Variants in SRGAP2B observed in about 807,000 individuals in gnomAD.
The protein encoded by SRGAP2B is SLIT-ROBO Rho GTPase activating protein 2B.
A neutral mutation model predicts 22.2 loss-of-function variants in SRGAP2B; 9 were observed. The ratio of observed to expected loss-of-function variants is 0.41; its 90% CI spans 0.24 to 0.71. The LOEUF (loss-of-function observed/expected upper bound fraction) is 0.71. Among genes scored for constraint, SRGAP2B ranks in the 30% least tolerant of loss-of-function variants. The probability of loss-of-function intolerance (pLI) is 0.35; values close to 1 mark genes in which losing one functional copy is unlikely to be tolerated. For missense variants in SRGAP2B, 114 were observed against 235.8 expected (o/e 0.48, Z 3.38); for synonymous variants, 36 against 87.4 (o/e 0.41, Z 3.28).
chr1:145,010,196 GATCA>G (rs1553622009), intron 2 of SRGAP2B, among the ~76,000 whole-genome samples: 1 of 147,832 alleles, frequency 6.8e-6, no homozygotes, highest in African/African-American at 2.6e-5. Context: ...GCACCCAGTA[GATCA>G]ATCAAAACAA....
At chr1:144,986,398 GAGA>G (rs1442722922) in intron 3 of SRGAP2B, among the ~76,000 whole-genome samples, 1 of 146,636 alleles carries the variant, frequency 6.8e-6, no homozygotes. Flanking sequence ...GTTCTGGGCA[GAGA>G]ATGAACTATT....
At chr1:144,988,999 C>CTTTTTTT (rs3062880) in intron 3 of SRGAP2B, among the ~76,000 whole-genome samples, 2 of 55,076 alleles carry the variant, frequency 3.6e-5, no homozygotes, top group Admixed American at 2.6e-4. Flanking sequence ...ACTCCCCCCA[C>CTTTTTTT]TTTTTTTTTT....
At chr1:144,983,254 A>T (rs1553615304) in intron 3 of SRGAP2B, among the ~76,000 whole-genome samples, 2 of 110,784 alleles carry the variant, frequency 1.8e-5, no homozygotes, top group Non-Finnish European at 3.5e-5. Context: ...AACTGACTCT[A>T]TGCTTTTCAA....
At chr1:145,090,181 C>T (rs1653850140) in intron 2 of SRGAP2B, among the ~76,000 whole-genome samples, 1 of 148,666 alleles carries the variant, frequency 6.7e-6, no homozygotes, top group Non-Finnish European at 1.5e-5. Flanking sequence ...TGACCCAGGG[C>T]TTCTAGCTAG....
intron 2 of SRGAP2B, among the ~76,000 whole-genome samples, chr1:145,076,074 G>T (rs1330077778): frequency 6.6e-6 from 1 of 150,460 alleles, no homozygotes; most frequent in Non-Finnish European, 1.5e-5. Flanking sequence ...TAAGGAAATT[G>T]AAACAACTTA....
intron 2 of SRGAP2B, among the ~76,000 whole-genome samples, chr1:145,007,201 C>CA (rs1400645719): frequency 4.0e-5 from 6 of 150,270 alleles, no homozygotes; most frequent in Non-Finnish European, 8.8e-5. Flanking sequence ...TAAGCTCACT[C>CA]AGACAGTAAC....
chr1:144,955,516 G>C (rs1187730085), exon 4 of SRGAP2B: 6 of 1,053,232 alleles, frequency 5.7e-6, no homozygotes, highest in Middle Eastern at 2.0e-4. Context: ...ATGTCACTCA[G>C]GGTGGTATGG....
At chr1:144,944,472 A>C (rs1666320004) in intron 4 of SRGAP2B, among the ~76,000 whole-genome samples, 1 of 148,268 alleles carries the variant, frequency 6.7e-6, no homozygotes, top group African/African-American at 2.6e-5. Flanking sequence ...CTGTAGTATC[A>C]GACACATGAG....
At chr1:145,009,360 G>A (rs1216288002) in intron 2 of SRGAP2B, among the ~76,000 whole-genome samples, 8 of 148,408 alleles carry the variant, frequency 5.4e-5, no homozygotes, top group Middle Eastern at 6.9e-3. Flanking sequence ...AGGCCGAGGC[G>A]GGCGGATCAC....
At chr1:144,936,547 GT>G (rs1408430743) in intron 4 of SRGAP2B, among the ~76,000 whole-genome samples, 1 of 151,048 alleles carries the variant, frequency 6.6e-6, no homozygotes, top group Non-Finnish European at 1.5e-5. Flanking sequence ...GAGCTATGTG[GT>G]ATCAGGCCAG....
intron 4 of SRGAP2B, among the ~76,000 whole-genome samples, chr1:144,934,641 CT>C (rs1457090129): frequency 6.8e-6 from 1 of 147,494 alleles, no homozygotes; most frequent in Admixed American, 6.7e-5. Context: ...ACTGTAGTAA[CT>C]TTTTCCCTGT....
At chr1:144,992,080 C>CA (rs1293849755) in intron 3 of SRGAP2B, among the ~76,000 whole-genome samples, 1 of 150,314 alleles carries the variant, frequency 6.7e-6, no homozygotes, top group Non-Finnish European at 1.5e-5. Flanking sequence ...AGCGAGACCA[C>CA]AAGCCCACCG....
Position 144,954,600 on chromosome 1 carries a change from C to T in SRGAP2B, c.423+839G>A, listed in dbSNP as rs1667124907. 2.0e-5 allele frequency among the ~76,000 whole-genome samples: 3 copies of T among 150,632 alleles called. No individual in the cohort carries two copies. The South Asian group carries it at 6.2e-4, about 31-fold the overall frequency. ...TATACAATGGTTGGGGCCTTCACCG[C>T]TGTCTGTAACCCAACCTCATGAATA... On this transcript the variant is annotated intron_variant, in intron 4 of 9. Coordinates refer to ENST00000612199, the Ensembl canonical transcript of SRGAP2B.
intron 3 of SRGAP2B, among the ~76,000 whole-genome samples, chr1:144,992,102 C>T (rs1213365223): frequency 2.0e-5 from 3 of 150,360 alleles, no homozygotes; most frequent in Non-Finnish European, 2.9e-5. Context: ...GAGGAACGAA[C>T]AACTCCAGAC....
At chr1:145,067,321 A>T (rs1414787071) in intron 2 of SRGAP2B, among the ~76,000 whole-genome samples, 1 of 149,530 alleles carries the variant, frequency 6.7e-6, no homozygotes, top group Non-Finnish European at 1.5e-5. Flanking sequence ...AAAACTAATT[A>T]TCAGAGAAGC....
At chr1:145,069,958 A>G (rs1651956864) in intron 2 of SRGAP2B, among the ~76,000 whole-genome samples, 1 of 148,918 alleles carries the variant, frequency 6.7e-6, no homozygotes, top group Non-Finnish European at 1.5e-5. Context: ...TGCACTTGGT[A>G]TATTTCTCTA....
At chr1:144,975,240 T>G (rs1668808944) in intron 3 of SRGAP2B, among the ~76,000 whole-genome samples, 1 of 147,468 alleles carries the variant, frequency 6.8e-6, no homozygotes, top group Admixed American at 6.6e-5. Context: ...TACAAACAAA[T>G]AAATAAACCA....
chr1:144,905,757 G>T (rs1309992099), intron 6 of SRGAP2B, 102 bp downstream of exon 6: 1 of 708,460 alleles, frequency 1.4e-6, no homozygotes, highest in Non-Finnish European at 2.6e-6. Context: ...AGAACCCAGA[G>T]CTTCCTCGTC....
intron 2 of SRGAP2B, among the ~76,000 whole-genome samples, chr1:145,020,169 C>T (rs1553623799): frequency 7.0e-6 from 1 of 143,000 alleles, no homozygotes; most frequent in East Asian, 2.0e-4. Context: ...AATCCCAGTA[C>T]TTTAGGAAGC....
Sources: gnomAD v4.1 joint callset for allele counts (sites outside exome capture counted in the v4.1 genomes callset) on GRCh38, gnomAD v4.1.1 for gene constraint, MANE v1.5 for transcripts, NCBI Gene and HGNC (gene_info 2026-07-23, HGNC 2026-07-21) for gene names.